The following RXFP2 variants were observed in gnomAD, a reference collection of about 807,000 sequenced individuals.
The protein encoded by RXFP2 is relaxin receptor 2.
Under a neutral mutation model 88.6 loss-of-function variants are expected in RXFP2, and 68 were observed. The ratio of observed to expected loss-of-function variants is 0.77; its 90% confidence interval spans 0.63 to 0.94. The LOEUF is 0.94. RXFP2 is among the 40% of genes least tolerant of loss of function. The probability of loss-of-function intolerance (pLI) is 0.00; values close to 1 mark genes in which losing one functional copy is unlikely to be tolerated. For missense variants in RXFP2, 791 were observed against 893.9 expected (o/e 0.88, Z 1.47); for synonymous variants, 329 against 306.8 (o/e 1.07, Z -0.76).
chr13:31,763,713 T>C (rs1473085436), intron 3 of RXFP2, among the ~76,000 whole-genome samples: 2 of 152,184 alleles, frequency 1.3e-5, no homozygotes, highest in Admixed American at 6.5e-5. Flanking sequence ...GAACAGTTAA[T>C]GCTCACATTT....
rs532726454 is a variant in RXFP2 at position 31,756,997 on chromosome 13, T to C, written c.95-1261T>C. Among the ~76,000 whole-genome samples, 4 of 152,348 alleles carry C rather than the reference T, an allele frequency of 2.6e-5. No homozygotes were observed. The South Asian group carries it at 8.3e-4, about 32-fold the overall frequency. The stretch of plus-strand genomic sequence containing the variant: ...ACATGTCTCTTTATTTTCTGAAAAG[T>C]ATCCTCTCAAAATTGAAAGAATATC... On this transcript the variant is annotated intron_variant, in intron 1 of 17. Coordinates refer to ENST00000298386, the MANE Select transcript of RXFP2 (RefSeq NM_130806.5).
At chr13:31,776,834 T>A (rs1873011112) in intron 7 of RXFP2, among the ~76,000 whole-genome samples, 1 of 152,196 alleles carries the variant, frequency 6.6e-6, no homozygotes, top group African/African-American at 2.4e-5. Context: ...TAAAATATAG[T>A]TTAAAACAGT....
At chr13:31,778,672 T>C in intron 9 of RXFP2, 89 bp downstream of exon 9, 3 of 941,424 alleles carry the variant, frequency 3.2e-6, no homozygotes, top group Non-Finnish European at 5.3e-6. Context: ...AGAAAGTCCA[T>C]CTATAATTTC....
chr13:31,749,919 G>A (rs1005077917), intron 1 of RXFP2, among the ~76,000 whole-genome samples: 3 of 152,150 alleles, frequency 2.0e-5, no homozygotes, highest in Admixed American at 6.5e-5. Context: ...TATAGTAATA[G>A]TGGACATCAT....
chr13:31,748,129 T>C (rs1485398153), intron 1 of RXFP2, among the ~76,000 whole-genome samples: 1 of 152,232 alleles, frequency 6.6e-6, no homozygotes, highest in Non-Finnish European at 1.5e-5. Flanking sequence ...ATCCGTTTTA[T>C]TTTTCAAAGA....
At chr13:31,773,335 C>G (rs1370056199) in intron 5 of RXFP2, among the ~76,000 whole-genome samples, 1 of 151,878 alleles carries the variant, frequency 6.6e-6, no homozygotes, top group Non-Finnish European at 1.5e-5. Flanking sequence ...ACACTTGGCA[C>G]ATGGAGGAAC....
chr13:31,796,239 C>T (rs150966059), intron 16 of RXFP2, among the ~76,000 whole-genome samples: 2,815 of 149,934 alleles, frequency 0.019, 33 homozygotes, highest in Non-Finnish European at 0.024. Context: ...TTAGTAGAGA[C>T]GGGGTTTCAC....
intron 5 of RXFP2, among the ~76,000 whole-genome samples, chr13:31,771,835 T>C (rs1356890291): frequency 6.6e-6 from 1 of 151,828 alleles, no homozygotes; most frequent in East Asian, 1.9e-4. Flanking sequence ...AAAATTGTCT[T>C]CTACGAAACC....
intron 2 of RXFP2, 92 bp downstream of exon 2, chr13:31,758,496 A>T: frequency 3.4e-6 from 5 of 1,452,862 alleles, no homozygotes; most frequent in Non-Finnish European, 4.8e-6. Context: ...ATAAACTAGG[A>T]AAGCTGATTT....
chr13:31,760,002 C>T (rs762314682), intron 2 of RXFP2, among the ~76,000 whole-genome samples: 30 of 152,194 alleles, frequency 2.0e-4, no homozygotes, highest in Non-Finnish European at 4.4e-4. Context: ...TGCAATTTCT[C>T]TGTTATCACA....
intron 11 of RXFP2, among the ~76,000 whole-genome samples, chr13:31,785,513 C>T (rs1873493548): frequency 6.6e-6 from 1 of 151,682 alleles, no homozygotes; most frequent in Non-Finnish European, 1.5e-5. Context: ...TCTATGTTTT[C>T]TCTGCACTTC....
At chr13:31,766,419 T>C (rs1872552266) in intron 5 of RXFP2, among the ~76,000 whole-genome samples, 1 of 151,806 alleles carries the variant, frequency 6.6e-6, no homozygotes. Flanking sequence ...AATGATAGGG[T>C]ACAGATATCC....
At chr13:31,790,721 T>C (rs1196413984) in intron 14 of RXFP2, among the ~76,000 whole-genome samples, 2 of 152,148 alleles carry the variant, frequency 1.3e-5, no homozygotes, top group Non-Finnish European at 2.9e-5. Flanking sequence ...AGGTAAGGGA[T>C]AGAAGGAGGA....
At chr13:31,781,779 C>G in intron 10 of RXFP2, 37 bp downstream of exon 10, 1 of 1,495,044 alleles carries the variant, frequency 6.7e-7, no homozygotes, top group Non-Finnish European at 9.3e-7. Flanking sequence ...TGAGGGGAAA[C>G]CCTATATATT....
chr13:31,778,328 A>C (rs1873091264), intron 8 of RXFP2, among the ~76,000 whole-genome samples, 184 bp from the exon 9 acceptor site: 1 of 152,180 alleles, frequency 6.6e-6, no homozygotes, highest in African/African-American at 2.4e-5. Flanking sequence ...AGTTTCTTTG[A>C]CAACATCTGC....
At chr13:31,793,928 T>G (rs1373085983) in intron 16 of RXFP2, among the ~76,000 whole-genome samples, 1 of 152,178 alleles carries the variant, frequency 6.6e-6, no homozygotes, top group Non-Finnish European at 1.5e-5. Context: ...AACCCTGAAT[T>G]ATTACCTTAT....
At chr13:31,765,167 A>T in intron 4 of RXFP2, 25 bp downstream of exon 4, 1 of 1,354,038 alleles carries the variant, frequency 7.4e-7, no homozygotes, top group Non-Finnish European at 1.1e-6. Flanking sequence ...ATTATTGGTG[A>T]TATCTGTCCC....
At chr13:31,749,025 T>C (rs1457458435) in intron 1 of RXFP2, among the ~76,000 whole-genome samples, 2 of 152,124 alleles carry the variant, frequency 1.3e-5, no homozygotes, top group African/African-American at 4.8e-5. Context: ...ACGTTCTTAA[T>C]TTGTATATTG....
At chr13:31,794,718 G>A (rs1873949091) in intron 16 of RXFP2, among the ~76,000 whole-genome samples, 1 of 152,120 alleles carries the variant, frequency 6.6e-6, no homozygotes, top group Non-Finnish European at 1.5e-5. Flanking sequence ...GGAGGGTGGG[G>A]TGGGGTCTGT....
Sources: allele counts gnomAD v4.1 joint callset (sites outside exome capture counted in the v4.1 genomes callset), GRCh38; gene constraint gnomAD v4.1.1; transcripts MANE v1.5; gene names NCBI Gene and HGNC (gene_info 2026-07-23, HGNC 2026-07-21).